Variants in B4GALT6 observed in about 807,000 individuals in gnomAD.
The protein encoded by B4GALT6 is UDP-Gal:beta-GlcNAc beta-1,4-galactosyltransferase 6.
B4GALT6 carries 14 observed loss-of-function variants against 46.3 expected under a neutral mutation model. That is an observed-to-expected ratio of 0.30 (90% CI 0.20 to 0.47). B4GALT6 has a LOEUF of 0.47. B4GALT6 is among the 20% of genes least tolerant of loss of function. B4GALT6 has a pLI of 0.99. For synonymous variants in B4GALT6, 168 were observed against 162.0 expected (o/e 1.04, Z -0.28); for missense variants, 386 against 480.1 (o/e 0.80, Z 1.83).
chr18:31,721,995 A>G, the B4GALT6 span, among the ~76,000 whole-genome samples: 1 of 152,072 alleles, frequency 6.6e-6, no homozygotes, highest in Admixed American at 6.6e-5. Context: ...TACCCTTCGA[A>G]CTAGGAATTC....
the B4GALT6 span, among the ~76,000 whole-genome samples, chr18:31,702,153 C>T: frequency 1.2e-4 from 18 of 152,286 alleles, no homozygotes; most frequent in East Asian, 7.7e-4. Flanking sequence ...GCAAATAATA[C>T]GCTATAATGG....
At chr18:31,702,943 G>A in the B4GALT6 span, among the ~76,000 whole-genome samples, 1 of 152,218 alleles carries the variant, frequency 6.6e-6, no homozygotes, top group African/African-American at 2.4e-5. Flanking sequence ...AGGTTCCCAA[G>A]AAACTGCCAC....
chr18:31,686,822 T>G (rs2029938837), upstream of B4GALT6: 1 of 152,226 alleles, frequency 6.6e-6, no homozygotes, highest in Admixed American at 6.5e-5. Context: ...TTATCTTTAT[T>G]TGCATCAGTT....
chr18:31,695,628 T>C, the B4GALT6 span, among the ~76,000 whole-genome samples: 1 of 152,232 alleles, frequency 6.6e-6, no homozygotes, highest in Non-Finnish European at 1.5e-5. Context: ...AGGCAAAACC[T>C]TGGATCATCT....
Position 31,684,413 on chromosome 18 carries a change from C to T in B4GALT6, c.14G>A (p.Arg5Lys). MSVLRRMMRVSNRSL... is the reference protein window; with the variant it reads MSVLKRMMRVSNRSL... ...GCGATTGGAAACCCGCATCATCCGC[C>T]TGAGCACAGACATCTTCCTCTTCCC... The change falls in exon 1 of 9, where the codon AGG (arginine) becomes AAG (lysine). Residue 5 changes from arginine to lysine, a missense_variant. This residue lies in a region of B4GALT6 where 63 missense variants were observed against 41.3 expected (regional missense o/e 1.53). Transcript: ENST00000306851. 6.2e-7 allele frequency: 1 copy of T among 1,613,674 alleles called. No individual in the cohort carries two copies. The highest frequency in any genetic ancestry group is 1.1e-5 in the South Asian group (1 of 91,046).
upstream of B4GALT6, among the ~76,000 whole-genome samples, chr18:31,690,154 G>A (rs1203664092): frequency 6.6e-6 from 1 of 152,150 alleles, no homozygotes; most frequent in East Asian, 1.9e-4. Context: ...TATTGAGACA[G>A]ACTCTCGCTC....
intron 3 of B4GALT6, among the ~76,000 whole-genome samples, chr18:31,652,818 C>T (rs555426534): frequency 6.6e-6 from 1 of 152,244 alleles, no homozygotes; most frequent in Admixed American, 6.5e-5. Flanking sequence ...TGGCACTTGC[C>T]CTTGTTGTTG....
chr18:31,655,998 G>A (rs1009798743), intron 3 of B4GALT6, among the ~76,000 whole-genome samples: 6 of 152,012 alleles, frequency 3.9e-5, no homozygotes, highest in African/African-American at 7.3e-5. Context: ...ATCACCTTGC[G>A]GGATTTGTTA....
Position 31,623,995 on chromosome 18 carries a change from T to C in B4GALT6, c.*1619A>G, listed in dbSNP as rs1051641685. On this transcript the variant is annotated 3_prime_UTR_variant, in exon 9 of 9. Coordinates refer to ENST00000306851, the MANE Select transcript of B4GALT6 (RefSeq NM_004775.5). ...CTTTATAGATATTTAATTTTTTGTT[T>C]AAAATTTGTGAAAATATCAAGATAT... 5 of 152,090 alleles carry C rather than the reference T, an allele frequency of 3.3e-5. No individual in the cohort carries two copies. The highest frequency in any genetic ancestry group is 2.1e-4 in the South Asian group (1 of 4,832). The allele number at this position is 152,090 out of a possible 1,614,324, so 9.4% of individuals were successfully genotyped here.
chr18:31,693,662 GA>G, the B4GALT6 span, among the ~76,000 whole-genome samples: 1 of 152,242 alleles, frequency 6.6e-6, no homozygotes, highest in East Asian at 1.9e-4. Flanking sequence ...AGACAAAAAA[GA>G]AGGCTTGAAA....
At chr18:31,706,175 T>C in the B4GALT6 span, among the ~76,000 whole-genome samples, 65 of 152,246 alleles carry the variant, frequency 4.3e-4, 1 homozygote, top group Non-Finnish European at 8.7e-4. Flanking sequence ...ACAGAGGGAA[T>C]AAATACACAT....
At chr18:31,653,389 C>G (rs2144625109) in intron 3 of B4GALT6, among the ~76,000 whole-genome samples, 1 of 151,648 alleles carries the variant, frequency 6.6e-6, no homozygotes, top group East Asian at 1.9e-4. Context: ...CTTTCCCTTC[C>G]AAAATAAACT....
chr18:31,651,127 A>AT (rs2074061430), intron 3 of B4GALT6, among the ~76,000 whole-genome samples: 1 of 152,032 alleles, frequency 6.6e-6, no homozygotes, highest in Non-Finnish European at 1.5e-5. Context: ...ATGCAGCTCT[A>AT]TGACCTTCAC....
chr18:31,639,071 T>C (rs891456790), intron 4 of B4GALT6, among the ~76,000 whole-genome samples: 1 of 152,118 alleles, frequency 6.6e-6, no homozygotes, highest in African/African-American at 2.4e-5. Flanking sequence ...TTGGTGGCAA[T>C]ATGGAGGGCA....
chr18:31,679,465 A>T (rs753231302), intron 1 of B4GALT6, among the ~76,000 whole-genome samples: 1 of 152,224 alleles, frequency 6.6e-6, no homozygotes, highest in Non-Finnish European at 1.5e-5. Flanking sequence ...TAACAAAGCT[A>T]GGGAGTGAGA....
At chr18:31,655,524 C>T (rs1328960007) in intron 3 of B4GALT6, among the ~76,000 whole-genome samples, 1 of 152,174 alleles carries the variant, frequency 6.6e-6, no homozygotes, top group Non-Finnish European at 1.5e-5. Flanking sequence ...ATCTCTCAGG[C>T]ACCACAAGAG....
rs149227406 is a variant in B4GALT6, at chr18:31,658,889, G to T, written c.233-800C>A. 3.9e-5 allele frequency among the ~76,000 whole-genome samples: 6 copies of T among 152,284 alleles called. No homozygotes were observed. The East Asian group carries it at 9.7e-4, about 25-fold the overall frequency. On this transcript the variant is annotated intron_variant, in intron 2 of 8. Transcript: ENST00000306851. ...ATAGCTAATAACTGTAGCTATGAGC[G>T]ATTAGAGATGAGCACCTGACCCACG...
At chr18:31,670,937 T>C (rs1005849614) in intron 1 of B4GALT6, among the ~76,000 whole-genome samples, 1 of 152,020 alleles carries the variant, frequency 6.6e-6, no homozygotes, top group African/African-American at 2.4e-5. Flanking sequence ...GTGTGTGATG[T>C]TCCCCACCCT....
chr18:31,718,001 G>A, the B4GALT6 span, among the ~76,000 whole-genome samples: 1 of 151,306 alleles, frequency 6.6e-6, no homozygotes. Flanking sequence ...GTATGCACAG[G>A]AAAAGGGAGT....
Sources: gnomAD v4.1 joint callset for allele counts (sites outside exome capture counted in the v4.1 genomes callset) on GRCh38, gnomAD v4.1.1 for gene constraint, gnomAD v4.1.1 regional missense constraint, MANE v1.5 for transcripts, NCBI Gene and HGNC (gene_info 2026-07-23, HGNC 2026-07-21) for gene names.